The following STK39 variants were observed in gnomAD, a reference collection of about 807,000 sequenced individuals.
STK39 encodes the protein STE20/SPS1-related proline-alanine-rich protein kinase.
Under a neutral mutation model 77.8 loss-of-function variants are expected in STK39, and 20 were observed. The ratio of observed to expected loss-of-function variants is 0.26; its 90% CI spans 0.18 to 0.37. The LOEUF (loss-of-function observed/expected upper bound fraction) is 0.37, where lower values mean the gene tolerates loss of function less well. STK39 is among the 10% of genes least tolerant of loss of function. STK39 has a pLI of 1.00. For missense variants in STK39, 479 were observed against 656.5 expected, an observed-to-expected ratio of 0.73 and a Z score of 2.95; for synonymous variants, 246 against 234.1, an observed-to-expected ratio of 1.05 and a Z score of -0.47.
chr2:168,097,398 T>A (rs1686698755), intron 10 of STK39, among the ~76,000 whole-genome samples: 1 of 152,226 alleles, frequency 6.6e-6, no homozygotes, highest in Non-Finnish European at 1.5e-5. Context: ...AGCACCTGGC[T>A]CACTAACTGG....
chr2:168,104,720 A>C (rs911196737), intron 10 of STK39, among the ~76,000 whole-genome samples: 1 of 152,236 alleles, frequency 6.6e-6, no homozygotes, highest in African/African-American at 2.4e-5. Flanking sequence ...TGAGGGTTTT[A>C]AAAACCATGA....
chr2:167,965,372 C>T (rs1293735158), intron 16 of STK39, among the ~76,000 whole-genome samples: 6 of 152,142 alleles, frequency 3.9e-5, no homozygotes, highest in South Asian at 2.1e-4. Flanking sequence ...CTAGAGTAGA[C>T]GCTGTCAGTT....
chr2:168,239,433 C>T (rs1352362001), intron 1 of STK39, among the ~76,000 whole-genome samples: 1 of 152,206 alleles, frequency 6.6e-6, no homozygotes, highest in Non-Finnish European at 1.5e-5. Flanking sequence ...AGAGCCAGGC[C>T]TCTGCCTGCC....
At chr2:168,239,183 A>C (rs1304081679) in intron 1 of STK39, among the ~76,000 whole-genome samples, 1 of 152,182 alleles carries the variant, frequency 6.6e-6, no homozygotes, top group Non-Finnish European at 1.5e-5. Flanking sequence ...AGCAGCCCTG[A>C]TTCCTACACA....
intron 1 of STK39, among the ~76,000 whole-genome samples, chr2:168,218,428 C>T (rs1690077865): frequency 1.3e-5 from 2 of 152,166 alleles, no homozygotes; most frequent in African/African-American, 4.8e-5. Flanking sequence ...AAATAGTGAC[C>T]GTAGGGCACA....
intron 10 of STK39, among the ~76,000 whole-genome samples, chr2:168,106,692 C>T (rs907651158): frequency 5.3e-5 from 8 of 151,894 alleles, no homozygotes; most frequent in Non-Finnish European, 8.8e-5. Context: ...CGTGGTGGTG[C>T]GCATCTGTAG....
chr2:168,201,116 A>G (rs1689600572), intron 1 of STK39, among the ~76,000 whole-genome samples: 1 of 152,260 alleles, frequency 6.6e-6, no homozygotes, highest in African/African-American at 2.4e-5. Context: ...AAGGAGTTCA[A>G]ACTTAAAGGC....
chr2:168,223,510 CAAAAAAAAAA>C (rs60067513), intron 1 of STK39, among the ~76,000 whole-genome samples: 1 of 102,224 alleles, frequency 9.8e-6, no homozygotes, highest in Admixed American at 1.1e-4. Context: ...GACTCCGTCT[CAAAAAAAAAA>C]AAAAAAAAAG....
At chr2:167,970,712 G>T (rs1164102545) in intron 16 of STK39, among the ~76,000 whole-genome samples, 3 of 152,176 alleles carry the variant, frequency 2.0e-5, no homozygotes, top group African/African-American at 7.2e-5. Flanking sequence ...AGACAAGATT[G>T]AAAACCTAAC....
At chr2:168,219,840 C>T (rs563057262) in intron 1 of STK39, among the ~76,000 whole-genome samples, 4 of 150,976 alleles carry the variant, frequency 2.6e-5, no homozygotes, top group South Asian at 2.1e-4. Flanking sequence ...AAAAAGGAGA[C>T]GTCAAGTTCC....
chr2:168,016,404 A>AAC (rs1684407426), intron 15 of STK39, among the ~76,000 whole-genome samples: 1 of 150,950 alleles, frequency 6.6e-6, no homozygotes, highest in Admixed American at 6.6e-5. Context: ...AAAAAAAAAA[A>AAC]AAAAAAAAAC....
intron 10 of STK39, among the ~76,000 whole-genome samples, chr2:168,092,047 A>C (rs897689613): frequency 1.3e-5 from 2 of 152,222 alleles, no homozygotes; most frequent in African/African-American, 4.8e-5. Flanking sequence ...CCAAAATCCA[A>C]ATGTGGTCCA....
chr2:168,048,582 G>A (rs886929877), intron 14 of STK39, among the ~76,000 whole-genome samples: 1 of 152,064 alleles, frequency 6.6e-6, no homozygotes, highest in Non-Finnish European at 1.5e-5. Context: ...GGACCAAACT[G>A]GGCCACTTCT....
intron 16 of STK39, among the ~76,000 whole-genome samples, chr2:168,006,301 AC>A (rs1197693452): frequency 1.3e-5 from 2 of 152,222 alleles, no homozygotes; most frequent in African/African-American, 2.4e-5. Context: ...AGCCTAACAT[AC>A]CCACTGGTGT....
intron 17 of STK39, among the ~76,000 whole-genome samples, chr2:167,958,147 T>A (rs1298355211): frequency 1.3e-5 from 2 of 152,226 alleles, no homozygotes; most frequent in Non-Finnish European, 2.9e-5. Context: ...TTTGGGGTCT[T>A]AGGATCTCTT....
At chr2:168,193,791 G>C (rs1689400442) in intron 1 of STK39, among the ~76,000 whole-genome samples, 1 of 152,246 alleles carries the variant, frequency 6.6e-6, no homozygotes, top group Non-Finnish European at 1.5e-5. Context: ...GTATGGGACA[G>C]GGGTGAGTTC....
chr2:168,047,251 T>A (rs1484875012), intron 14 of STK39, among the ~76,000 whole-genome samples: 1 of 152,218 alleles, frequency 6.6e-6, no homozygotes, highest in African/African-American at 2.4e-5. Context: ...GCTAATGTAG[T>A]CAAAAGGCCA....
chr2:168,072,327 C>A (rs1003141465), intron 12 of STK39, among the ~76,000 whole-genome samples: 6 of 152,054 alleles, frequency 3.9e-5, no homozygotes, highest in Non-Finnish European at 5.9e-5. Flanking sequence ...AGGATAAAAG[C>A]GGTCTTTCAG....
At chr2:168,150,854 C>T (rs1213433926) in intron 5 of STK39, among the ~76,000 whole-genome samples, 1 of 152,038 alleles carries the variant, frequency 6.6e-6, no homozygotes, top group Non-Finnish European at 1.5e-5. Flanking sequence ...ACCCATCTTG[C>T]TTGGGAGAGA....
Sources: allele counts gnomAD v4.1 joint callset (sites outside exome capture counted in the v4.1 genomes callset), GRCh38; gene constraint gnomAD v4.1.1; transcripts MANE v1.5; gene names NCBI Gene and HGNC (gene_info 2026-07-23, HGNC 2026-07-21).